Variants in TXNL1 observed in about 807,000 individuals in gnomAD.
TXNL1 encodes the protein thioredoxin like 1, also known as thioredoxin-like protein 1.
In TXNL1, 14 loss-of-function variants were observed where a neutral mutation model predicts 35.5. That is an observed-to-expected ratio of 0.39 (90% CI 0.26 to 0.62). TXNL1 has a LOEUF of 0.62. TXNL1 is among the 20% of genes least tolerant of loss of function. The probability of loss-of-function intolerance (pLI) is 0.47; values close to 1 mark genes in which losing one functional copy is unlikely to be tolerated. For missense variants in TXNL1, 263 were observed against 349.7 expected, an observed-to-expected ratio of 0.75 and a Z score of 1.98; for synonymous variants, 110 against 115.5, an observed-to-expected ratio of 0.95 and a Z score of 0.31.
intron 5 of TXNL1, among the ~76,000 whole-genome samples, chr18:56,615,829 T>C (rs1471441114): frequency 1.3e-5 from 2 of 152,176 alleles, no homozygotes; most frequent in Non-Finnish European, 2.9e-5. Flanking sequence ...TTCATTTACA[T>C]CTTGCTTCGT....
intron 1 of TXNL1, among the ~76,000 whole-genome samples, chr18:56,632,026 C>T (rs2024380481): frequency 6.6e-6 from 1 of 152,028 alleles, no homozygotes; most frequent in South Asian, 2.1e-4. Flanking sequence ...ATGACCTGCC[C>T]AACACCAAAC....
chr18:56,625,748 A>G (rs2024267012), intron 2 of TXNL1, among the ~76,000 whole-genome samples: 1 of 152,244 alleles, frequency 6.6e-6, no homozygotes, highest in African/African-American at 2.4e-5. Context: ...GCAGAGCTAT[A>G]GAGTTGTTCC....
At chr18:56,609,626 A>G (rs1370458003) in intron 7 of TXNL1, 4 of 152,240 alleles carry the variant, frequency 2.6e-5, no homozygotes, top group Admixed American at 6.5e-5. Flanking sequence ...ATAAAAAACT[A>G]AGTTAAGAAT....
At chr18:56,618,620 ATC>A (rs2144306757) in intron 3 of TXNL1, among the ~76,000 whole-genome samples, 1 of 152,130 alleles carries the variant, frequency 6.6e-6, no homozygotes, top group Admixed American at 6.5e-5. Flanking sequence ...TACAATAATC[ATC>A]AACTGAAGGC....
chr18:56,626,121 AC>A, intron 2 of TXNL1: 1 of 1,116,534 alleles, frequency 9.0e-7, no homozygotes, highest in Non-Finnish European at 1.1e-6. Flanking sequence ...CCTATTAACA[AC>A]ATCGTATTAA....
chr18:56,636,918 T>C (rs1282991394), intron 1 of TXNL1, among the ~76,000 whole-genome samples: 1 of 152,204 alleles, frequency 6.6e-6, no homozygotes, highest in East Asian at 1.9e-4. Flanking sequence ...ACTACAGGTA[T>C]TCCCCTATTA....
At chr18:56,616,757 A>G (rs1254397062) in intron 4 of TXNL1, among the ~76,000 whole-genome samples, 3 of 152,186 alleles carry the variant, frequency 2.0e-5, no homozygotes, top group South Asian at 4.1e-4. Flanking sequence ...CTAGCCCTGA[A>G]ATGGACTCTA....
Position 56,638,495 on chromosome 18 carries a change from G to A in TXNL1, c.-55C>T, listed in dbSNP as rs1375118478. 4 of 1,555,260 alleles carry A rather than the reference G, an allele frequency of 2.6e-6. No individual in the cohort carries two copies. Among genetic ancestry groups the A allele is most frequent in the African/African-American group, 2.7e-5 (2 of 73,804 alleles). On this transcript the variant is annotated 5_prime_UTR_variant, in exon 1 of 8. Coordinates refer to ENST00000217515, the MANE Select transcript of TXNL1 (RefSeq NM_004786.3). ...GACGCCACTGGCTTTGAAACTGAAG[G>A]AGAAGACGATCTGGGAGAGGAAGGA...
chr18:56,611,630 AC>A (rs1342792921), intron 6 of TXNL1, among the ~76,000 whole-genome samples: 1 of 152,140 alleles, frequency 6.6e-6, no homozygotes, highest in Admixed American at 6.5e-5. Flanking sequence ...ATGGCAAGAG[AC>A]CCATATATAT....
intron 1 of TXNL1, among the ~76,000 whole-genome samples, chr18:56,626,797 CT>C (rs386387792): frequency 0.023 from 1,259 of 54,892 alleles, 7 homozygotes; most frequent in South Asian, 0.076. Context: ...CCAAGCCGGT[CT>C]TTTTTTTTTT....
intron 4 of TXNL1, among the ~76,000 whole-genome samples, chr18:56,616,714 C>T (rs2024093383): frequency 6.6e-6 from 1 of 152,162 alleles, no homozygotes; most frequent in Non-Finnish European, 1.5e-5. Context: ...CATCACTTGA[C>T]GATTTAGAGG....
chr18:56,602,985 G>A lies in TXNL1; in HGVS notation c.*42C>T. On this transcript the variant is annotated 3_prime_UTR_variant, in exon 8 of 8. Transcript: ENST00000217515. ...AGAATCAAGCAATTATCCAGGAGCT[G>A]TAGATCTGATTGCAATATGGTTGTC... 6.2e-7 allele frequency: 1 copy of A among 1,604,792 alleles called. No individual in the cohort carries two copies. Among genetic ancestry groups the A allele is most frequent in the South Asian group, 1.1e-5 (1 of 90,804 alleles).
At chr18:56,627,069 C>T (rs2024297751) in intron 1 of TXNL1, among the ~76,000 whole-genome samples, 2 of 151,754 alleles carry the variant, frequency 1.3e-5, no homozygotes, top group African/African-American at 2.4e-5. Flanking sequence ...TGCCTTGGGC[C>T]TCCCAAAGTG....
chr18:56,629,097 T>G (rs2024330372), intron 1 of TXNL1, among the ~76,000 whole-genome samples: 1 of 152,238 alleles, frequency 6.6e-6, no homozygotes. Flanking sequence ...ATTGCCCTTT[T>G]GAAAGTCTAT....
intron 3 of TXNL1, 86 bp downstream of exon 3, chr18:56,624,202 T>G (rs749979625): frequency 7.8e-5 from 107 of 1,363,254 alleles, no homozygotes; most frequent in Non-Finnish European, 5.0e-5. Flanking sequence ...AGATAGAAGA[T>G]GGAAACATAG....
intron 5 of TXNL1, among the ~76,000 whole-genome samples, chr18:56,614,854 A>C (rs111648229): frequency 6.6e-6 from 1 of 152,188 alleles, no homozygotes; most frequent in Non-Finnish European, 1.5e-5. Context: ...AAACAGACAC[A>C]CACACACAGA....
rs534138413 is a variant in TXNL1, at chr18:56,629,204, A to G, written c.99-2747T>C. Among the ~76,000 whole-genome samples the G allele has an allele frequency of 3.1e-4, 47 of 152,324 alleles. 2 individuals carry two copies. The East Asian group carries it at 8.9e-3, about 29-fold the overall frequency. On this transcript the variant is annotated intron_variant, in intron 1 of 7. Transcript: ENST00000217515. The stretch of plus-strand genomic sequence containing the variant: ...AATAGTAAAGTTAGAAAACAACTTA[A>G]ATGGCAATTAATGGAAAACTAGTTT...
At chr18:56,610,785 A>C (rs1161371710) in intron 7 of TXNL1, 2 of 372,576 alleles carry the variant, frequency 5.4e-6, no homozygotes, top group Non-Finnish European at 9.6e-6. Flanking sequence ...ATCAGTTAAG[A>C]CATCATTTTT....
chr18:56,625,791 T>C (rs189460175), intron 2 of TXNL1, among the ~76,000 whole-genome samples: 1 of 152,348 alleles, frequency 6.6e-6, no homozygotes, highest in African/African-American at 2.4e-5. Context: ...CTTTTTAGTA[T>C]TGGAAGGAGC....
Sources: allele counts gnomAD v4.1 joint callset (sites outside exome capture counted in the v4.1 genomes callset), GRCh38; gene constraint gnomAD v4.1.1; transcripts MANE v1.5; gene names NCBI Gene and HGNC (gene_info 2026-07-23, HGNC 2026-07-21).